Variants in SLC39A14 observed in about 807,000 individuals in gnomAD.
The protein encoded by SLC39A14 is metal cation symporter ZIP14.
A neutral mutation model predicts 45.5 loss-of-function variants in SLC39A14; 19 were observed. The observed-to-expected ratio is 0.42, with a 90% CI of 0.29 to 0.61. The LOEUF (loss-of-function observed/expected upper bound fraction) is 0.61, where lower values mean the gene tolerates loss of function less well. Among genes scored for constraint, SLC39A14 ranks in the 20% least tolerant of loss-of-function variants. The pLI, the probability that SLC39A14 is intolerant of heterozygous loss-of-function variation, is 0.22. For missense variants in SLC39A14, 447 were observed against 616.5 expected, an observed-to-expected ratio of 0.73 and a Z score of 2.91; for synonymous variants, 264 against 251.3, an observed-to-expected ratio of 1.05 and a Z score of -0.48.
At position 22,420,645 on chromosome 8, in the gene SLC39A14, A is replaced by C; in HGVS notation, c.*947A>C. 1 of 985,440 alleles carries C rather than the reference A, an allele frequency of 1.0e-6. No homozygotes were observed. The highest frequency in any genetic ancestry group is 1.2e-6 in the Non-Finnish European group (1 of 829,938). The allele number at this position is 985,440 out of a possible 1,614,324, so 61.0% of individuals were successfully genotyped here. On this transcript the variant is annotated 3_prime_UTR_variant, in exon 9 of 9. Coordinates refer to ENST00000381237, the MANE Select transcript of SLC39A14 (RefSeq NM_001128431.4). Reference sequence around the variant, plus strand: ...TCCTCCCCCAGGTTGAGACGTCTGCAGAGTGGCAAGCTGACTTGTAGAAAT... The same window carrying C: ...TCCTCCCCCAGGTTGAGACGTCTGCCGAGTGGCAAGCTGACTTGTAGAAAT...
At chr8:22,411,973 T>G in intron 3 of SLC39A14, 64 bp from the exon 4 acceptor site, 1 of 1,450,586 alleles carries the variant, frequency 6.9e-7, no homozygotes, top group Non-Finnish European at 9.3e-7. Context: ...GTGGTTGCTG[T>G]GCAATGGGGC....
intron 8 of SLC39A14, among the ~76,000 whole-genome samples, 171 bp from the exon 9 acceptor site, chr8:22,419,381 A>G (rs1011187161): frequency 1.3e-5 from 2 of 152,090 alleles, no homozygotes; most frequent in Non-Finnish European, 2.9e-5. Flanking sequence ...ACAGGGTTTC[A>G]CCATGTTGGT....
intron 8 of SLC39A14, among the ~76,000 whole-genome samples, chr8:22,433,107 T>C (rs1479953895): frequency 6.6e-6 from 1 of 151,704 alleles, no homozygotes. Context: ...CCTGGCCTTA[T>C]TTTCACCTAT....
intron 1 of SLC39A14, among the ~76,000 whole-genome samples, chr8:22,402,768 CAA>C (rs754943496): frequency 0.012 from 1,033 of 82,672 alleles, 7 homozygotes; most frequent in African/African-American, 0.03. Context: ...GACTCCATTT[CAA>C]AAAAAAAAAA....
intron 1 of SLC39A14, among the ~76,000 whole-genome samples, chr8:22,399,667 G>C (rs1403029268): frequency 6.6e-6 from 1 of 152,228 alleles, no homozygotes; most frequent in African/African-American, 2.4e-5. Context: ...GGTCCTGTGG[G>C]CTCATTCTTC....
chr8:22,401,384 G>T (rs1000106370), intron 1 of SLC39A14, among the ~76,000 whole-genome samples: 3 of 152,062 alleles, frequency 2.0e-5, no homozygotes, highest in Admixed American at 2.0e-4. Flanking sequence ...CTGGAGAAAG[G>T]AGACTCATTT....
At chr8:22,431,881 T>G (rs1362084659) in intron 8 of SLC39A14, among the ~76,000 whole-genome samples, 1 of 152,216 alleles carries the variant, frequency 6.6e-6, no homozygotes, top group African/African-American at 2.4e-5. Flanking sequence ...ACCTAATTTG[T>G]TATGGAAAAC....
At chr8:22,397,500 C>T (rs1424568002) in intron 1 of SLC39A14, among the ~76,000 whole-genome samples, 3 of 152,106 alleles carry the variant, frequency 2.0e-5, no homozygotes, top group Admixed American at 1.3e-4. Context: ...ATGGCGTGAA[C>T]CCGGGAGGCG....
chr8:22,405,748 C>T (rs1008901110), intron 2 of SLC39A14, among the ~76,000 whole-genome samples: 3 of 152,184 alleles, frequency 2.0e-5, no homozygotes, highest in South Asian at 2.1e-4. Context: ...CCGAGGGTCC[C>T]GCAGTGAGTC....
chr8:22,403,625 A>T (rs1835016885), intron 1 of SLC39A14, among the ~76,000 whole-genome samples: 1 of 151,630 alleles, frequency 6.6e-6, no homozygotes, highest in South Asian at 2.1e-4. Context: ...TCAAACATAT[A>T]TAAGTAGACA....
chr8:22,386,987 T>C (rs962395483), intron 1 of SLC39A14, among the ~76,000 whole-genome samples: 12 of 151,926 alleles, frequency 7.9e-5, no homozygotes, highest in Admixed American at 3.3e-4. Context: ...GGCTGGGCAA[T>C]AGGGTGAGAC....
In SLC39A14 at chr8:22,402,436, T is replaced by C. The variant is rs559997189; in HGVS notation, c.-15-2260T>C. Among the ~76,000 whole-genome samples the C allele has an allele frequency of 3.9e-5, 6 of 152,070 alleles. No individual in the cohort carries two copies. In the South Asian group the frequency reaches 1.2e-3, roughly 32 times the overall value. The stretch of plus-strand genomic sequence containing the variant: ...ATTATTTATGCAGTCAATGGTATCT[T>C]ATTCTATTGCTTAGCCTCACTAACA... On this transcript the variant is annotated intron_variant, in intron 1 of 8. Coordinates refer to ENST00000381237, the MANE Select transcript of SLC39A14 (RefSeq NM_001128431.4).
chr8:22,373,734 A>T (rs1475038499), intron 1 of SLC39A14, among the ~76,000 whole-genome samples: 1 of 149,844 alleles, frequency 6.7e-6, no homozygotes, highest in East Asian at 1.9e-4. Flanking sequence ...CTTTGCATTT[A>T]TTCTTCAGGG....
downstream of SLC39A14, among the ~76,000 whole-genome samples, chr8:22,422,911 C>T (rs748177905): frequency 6.6e-6 from 1 of 152,100 alleles, no homozygotes. Flanking sequence ...GCAACCTCCA[C>T]CTCCTGGGTT....
chr8:22,398,633 C>T, intron 1 of SLC39A14: 1 of 796,552 alleles, frequency 1.3e-6, no homozygotes, highest in Non-Finnish European at 1.5e-6. Flanking sequence ...CATATCTATG[C>T]CCAACCTCTA....
chr8:22,405,250 C>T (rs1044171937), intron 2 of SLC39A14, among the ~76,000 whole-genome samples: 2 of 152,228 alleles, frequency 1.3e-5, no homozygotes, highest in South Asian at 2.1e-4. Context: ...CAGTGGCTCA[C>T]GCCTGTAATC....
intron 1 of SLC39A14, among the ~76,000 whole-genome samples, chr8:22,382,810 G>T (rs963716962): frequency 3.3e-5 from 5 of 152,028 alleles, no homozygotes; most frequent in African/African-American, 1.2e-4. Context: ...CGCCTCCCAG[G>T]CTCAAGCAAT....
chr8:22,387,187 G>A (rs890862800), intron 1 of SLC39A14, among the ~76,000 whole-genome samples: 5 of 140,098 alleles, frequency 3.6e-5, no homozygotes, highest in South Asian at 4.6e-4. Context: ...AAAAAAAAAA[G>A]GCAGTAGTTA....
intron 1 of SLC39A14, among the ~76,000 whole-genome samples, chr8:22,377,327 G>T (rs1833270700): frequency 6.6e-6 from 1 of 151,682 alleles, no homozygotes; most frequent in Non-Finnish European, 1.5e-5. Flanking sequence ...AATATTCCAG[G>T]CTCATCTTGT....
Sources: allele counts gnomAD v4.1 joint callset (sites outside exome capture counted in the v4.1 genomes callset), GRCh38; gene constraint gnomAD v4.1.1; transcripts MANE v1.5; gene names NCBI Gene and HGNC (gene_info 2026-07-23, HGNC 2026-07-21).